DNAAF5: variants seen among roughly 807,000 people sequenced by gnomAD.
The protein encoded by DNAAF5 is dynein axonemal assembly factor 5.
In DNAAF5, 64 loss-of-function variants were observed where a neutral mutation model predicts 75.8. The ratio of observed to expected loss-of-function variants is 0.84; its 90% CI spans 0.69 to 1.04. DNAAF5 has a LOEUF of 1.04. Ranked by LOEUF, DNAAF5 falls within the 50% of genes least tolerant of loss-of-function variation. DNAAF5 has a pLI of 0.00. For missense variants in DNAAF5, 1,269 were observed against 1,178.5 expected, an observed-to-expected ratio of 1.08 and a Z score of -1.12; for synonymous variants, 657 against 557.2, an observed-to-expected ratio of 1.18 and a Z score of -2.52.
intron 4 of DNAAF5, among the ~76,000 whole-genome samples, chr7:747,540 G>A (rs1782159523): frequency 6.6e-6 from 1 of 151,688 alleles, no homozygotes; most frequent in Admixed American, 6.6e-5. Flanking sequence ...AGGGTTGGTG[G>A]GGTTTGCTGT....
At chr7:764,183 C>A (rs2128081206) in intron 8 of DNAAF5, among the ~76,000 whole-genome samples, 1 of 152,368 alleles carries the variant, frequency 6.6e-6, no homozygotes, top group Admixed American at 6.5e-5. Context: ...GCAGCTCTTC[C>A]ACTTGGCCCG....
intron 11 of DNAAF5, among the ~76,000 whole-genome samples, chr7:777,416 C>T (rs1778799385): frequency 6.6e-6 from 1 of 152,116 alleles, no homozygotes; most frequent in African/African-American, 2.4e-5. Flanking sequence ...GCTAAAAGAA[C>T]AACATCCACT....
intron 11 of DNAAF5, among the ~76,000 whole-genome samples, chr7:777,400 C>T (rs903903132): frequency 1.3e-5 from 2 of 152,084 alleles, no homozygotes; most frequent in African/African-American, 2.4e-5. Flanking sequence ...TTAAGATCCT[C>T]AAAAAGCTAA....
intron 6 of DNAAF5, among the ~76,000 whole-genome samples, chr7:760,234 A>G (rs1487732990): frequency 6.6e-6 from 1 of 152,208 alleles, no homozygotes; most frequent in African/African-American, 2.4e-5. Flanking sequence ...TTAGTCTTCC[A>G]TGATTTACGT....
intron 7 of DNAAF5, among the ~76,000 whole-genome samples, chr7:762,515 A>T (rs929725651): frequency 5.9e-5 from 9 of 151,588 alleles, no homozygotes; most frequent in African/African-American, 1.9e-4. Context: ...GTGCATGTGC[A>T]TGTGTGACTG....
Position 770,532 on chromosome 7 carries a change from C to T in DNAAF5, c.1845C>T (p.Pro615=), listed in dbSNP as rs1348679620. The part of the protein sequence containing the change: ...VVPTLRACLQ[P]SQDPQMRLKL... ...CCACGCTGAGGGCCTGTCTGCAGCC[C>T]TCCCAAGACCCGCAGATGCGCCTGA... The change falls in exon 9 of 13, where the codon CCC becomes CCT. Residue 615 remains proline, a synonymous_variant. Coordinates refer to ENST00000297440, the MANE Select transcript of DNAAF5 (RefSeq NM_017802.4). 3 of 1,613,868 alleles carry T rather than the reference C, an allele frequency of 1.9e-6. No individual in the cohort carries two copies. The highest frequency in any genetic ancestry group is 2.7e-5 in the African/African-American group (2 of 74,932).
At chr7:743,936 A>G (rs1337768922) in intron 4 of DNAAF5, among the ~76,000 whole-genome samples, 1 of 149,148 alleles carries the variant, frequency 6.7e-6, no homozygotes, top group African/African-American at 2.5e-5. Context: ...ATTTATTTTT[A>G]TTTTATTTTA....
chr7:745,444 A>T (rs1562381291), intron 4 of DNAAF5, among the ~76,000 whole-genome samples: 1 of 151,986 alleles, frequency 6.6e-6, no homozygotes, highest in Non-Finnish European at 1.5e-5. Flanking sequence ...ACACACACAT[A>T]TTCACATGCA....
intron 12 of DNAAF5, among the ~76,000 whole-genome samples, chr7:781,383 C>T (rs1778934417): frequency 6.6e-6 from 1 of 152,210 alleles, no homozygotes; most frequent in African/African-American, 2.4e-5. Flanking sequence ...GATAATATTC[C>T]ACTGCGTGCG....
At position 726,917 on chromosome 7, in the gene DNAAF5, C is replaced by T. The variant is rs1781322407; in HGVS notation, c.197C>T (p.Pro66Leu). Residue 66 changes from proline (P) to leucine (L), a missense_variant, in exon 1 of 13, where the codon CCC (proline) becomes CTC (leucine). Physicochemically the swap from Pro to Leu is moderately conservative, Grantham distance 98. Transcript: ENST00000297440. ...ALEEPGPAAD[P>L]TAFQGPWARL... ...GAGGAGCCAGGCCCTGCCGCCGACC[C>T]CACCGCTTTCCAGGGCCCCTGGGCG... 1.5e-6 allele frequency: 2 copies of T among 1,346,680 alleles called. No individual in the cohort carries two copies. Among genetic ancestry groups the T allele is most frequent in the South Asian group, 1.7e-5 (1 of 59,958 alleles). 83.4% of individuals were successfully genotyped at this position (1,346,680 alleles called of 1,614,324 possible). A position where few individuals can be genotyped will look rare whatever the true frequency, so the allele number is the denominator to read the frequency against.
rs866101617 is a variant in DNAAF5 at position 726,978 on chromosome 7, C to T, written c.258C>T (p.Ser86=). 1.5e-6 allele frequency: 2 copies of T among 1,294,016 alleles called. No homozygotes were observed. The highest frequency in any genetic ancestry group is 1.6e-5 in the African/African-American group (1 of 63,818). The allele number at this position is 1,294,016 out of a possible 1,614,324, so 80.2% of individuals were successfully genotyped here. A position where few individuals can be genotyped will look rare whatever the true frequency, so the allele number is the denominator to read the frequency against. The change falls in exon 1 of 13, where the codon AGC becomes AGT. Residue 86 remains serine, a synonymous_variant. Transcript: ENST00000297440. The stretch of plus-strand genomic sequence containing the variant: ...TGCCGCGCTTGCTGCGCTGCCTGAG[C>T]GACCCCGCCGAGGGCTGCCGCGCGC... ...LLLPRLLRCL[S]DPAEGCRALA...
chr7:739,924 T>A (rs138766313), intron 2 of DNAAF5, among the ~76,000 whole-genome samples: 1 of 152,294 alleles, frequency 6.6e-6, no homozygotes, highest in Non-Finnish European at 1.5e-5. Flanking sequence ...CTGTGAGCGC[T>A]ATTGCTAATG....
chr7:782,497 G>T (rs1377576908), intron 12 of DNAAF5, among the ~76,000 whole-genome samples: 1 of 140,328 alleles, frequency 7.1e-6, no homozygotes, highest in African/African-American at 2.8e-5. Context: ...TCCCGGCGTG[G>T]CCGCGTCCCG....
intron 6 of DNAAF5, 68 bp from the exon 7 acceptor site, chr7:761,685 A>C: frequency 1.3e-6 from 2 of 1,500,888 alleles, no homozygotes; most frequent in South Asian, 2.5e-5. Flanking sequence ...CTACAGTTCA[A>C]GATGGGATTC....
In DNAAF5 at chr7:740,483, C is replaced by T. The variant is rs114445934; in HGVS notation, c.781-336C>T. Among the ~76,000 whole-genome samples the T allele has an allele frequency of 0.14, 21,963 of 152,268 alleles. 2,175 individuals carry two copies. Among genetic ancestry groups the T allele is most frequent in the Middle Eastern group, 0.26 (75 of 292 alleles). ...TGCAGAAGACTTTGAACACGCTGCA[C>T]GGCTCAGGTAGCAGCTGGGAGCCTG... On this transcript the variant is annotated intron_variant, in intron 2 of 12. Coordinates refer to ENST00000297440, the MANE Select transcript of DNAAF5 (RefSeq NM_017802.4).
At chr7:782,170 C>T (rs6965219) in intron 12 of DNAAF5, among the ~76,000 whole-genome samples, 2 of 139,726 alleles carry the variant, frequency 1.4e-5, no homozygotes, top group Non-Finnish European at 3.1e-5. Context: ...GCGGCGTGGC[C>T]GCCTCCCGAC....
At chr7:763,126 C>G (rs948795385) in intron 7 of DNAAF5, among the ~76,000 whole-genome samples, 5 of 152,172 alleles carry the variant, frequency 3.3e-5, no homozygotes, top group African/African-American at 9.7e-5. Flanking sequence ...TGCTGCCCTC[C>G]CCTTCCTTCT....
At chr7:745,474 C>T (rs1782060590) in intron 4 of DNAAF5, among the ~76,000 whole-genome samples, 1 of 152,306 alleles carries the variant, frequency 6.6e-6, no homozygotes, top group East Asian at 1.9e-4. Context: ...ACACACACAC[C>T]TGTGCACACA....
At position 754,519 on chromosome 7, in the gene DNAAF5, T is replaced by C; in HGVS notation, c.1025-70T>C. 3 of 1,280,858 alleles carry C rather than the reference T, an allele frequency of 2.3e-6. No individual in the cohort carries two copies. Among genetic ancestry groups the C allele is most frequent in the Non-Finnish European group, 3.4e-6 (3 of 885,554 alleles). 79.3% of individuals were successfully genotyped at this position (1,280,858 alleles called of 1,614,324 possible). On this transcript the variant is annotated intron_variant, in intron 4 of 12. Coordinates refer to ENST00000297440, the MANE Select transcript of DNAAF5 (RefSeq NM_017802.4). The surrounding 1 kb of genome is among the most constrained non-coding windows in gnomAD (Gnocchi z 4.8). ...ACTCACAGGTGTCCCTTAAATGTGA[T>C]GTGCGGTAACTTGAGTTGTTGAGGT... is the stretch of plus-strand genomic sequence containing the variant.
Sources: allele counts gnomAD v4.1 joint callset (sites outside exome capture counted in the v4.1 genomes callset), GRCh38; gene constraint gnomAD v4.1.1; non-coding constraint Gnocchi (gnomAD v3.1); transcripts MANE v1.5; gene names NCBI Gene and HGNC (gene_info 2026-07-23, HGNC 2026-07-21).